Variants in DLGAP1 observed in about 807,000 individuals in gnomAD.
DLGAP1 encodes the protein DLG associated protein 1, also known as disks large-associated protein 1.
DLGAP1 carries 11 observed loss-of-function variants against 90.8 expected under a neutral mutation model. That is an observed-to-expected ratio of 0.12 (90% confidence interval 0.08 to 0.20). The LOEUF (loss-of-function observed/expected upper bound fraction) is 0.20, where lower values mean the gene tolerates loss of function less well. Among genes scored for constraint, DLGAP1 ranks in the 10% least tolerant of loss-of-function variants. The pLI is 1.00. For synonymous variants in DLGAP1, 558 were observed against 540.7 expected (o/e 1.03, Z -0.44); for missense variants, 1,050 against 1,333.8 (o/e 0.79, Z 3.31).
intron 1 of DLGAP1, among the ~76,000 whole-genome samples, chr18:4,399,186 T>C (rs1020150571): frequency 6.6e-6 from 1 of 152,236 alleles, no homozygotes; most frequent in East Asian, 1.9e-4. Context: ...ATCTTTTTCA[T>C]AACTCACTTC....
chr18:3,692,973 C>T (rs1339166378), intron 7 of DLGAP1, among the ~76,000 whole-genome samples: 6 of 152,232 alleles, frequency 3.9e-5, no homozygotes, highest in Non-Finnish European at 8.8e-5. Flanking sequence ...ATGAAGCAGG[C>T]ACCCTGGATC....
At chr18:3,818,689 C>A (rs889864160) in intron 4 of DLGAP1, among the ~76,000 whole-genome samples, 4 of 151,576 alleles carry the variant, frequency 2.6e-5, no homozygotes, top group Admixed American at 6.6e-5. Flanking sequence ...GCAACCCCTG[C>A]CTCCTGGGTT....
At position 3,535,830 on chromosome 18, in the gene DLGAP1, G is replaced by A. The variant is rs184343581; in HGVS notation, c.2058-1215C>T. Among the ~76,000 whole-genome samples the A allele has an allele frequency of 4.1e-3, 631 of 152,104 alleles. 11 individuals are homozygous for A. The highest frequency in any genetic ancestry group is 0.031 in the Admixed American group (470 of 15,272). ...GCAGATCATCTGAGGTCGGGAGTTC[G>A]AGACCAGCCTGACCAACATGGAATA... is the stretch of plus-strand genomic sequence containing the variant. On this transcript the variant is annotated intron_variant, in intron 9 of 12. Coordinates refer to ENST00000315677, the MANE Select transcript of DLGAP1 (RefSeq NM_004746.4).
chr18:3,731,193 A>G (rs1190129476), intron 6 of DLGAP1, among the ~76,000 whole-genome samples: 1 of 152,070 alleles, frequency 6.6e-6, no homozygotes, highest in African/African-American at 2.4e-5. Flanking sequence ...TATATATAAT[A>G]TATGTATATG....
intron 1 of DLGAP1, among the ~76,000 whole-genome samples, chr18:4,316,398 C>T (rs1471206774): frequency 1.3e-5 from 2 of 152,200 alleles, no homozygotes; most frequent in African/African-American, 4.8e-5. Context: ...AGTGCTGTCA[C>T]ATGTTTGATG....
chr18:3,718,876 A>G (rs1360472962), intron 7 of DLGAP1, among the ~76,000 whole-genome samples: 1 of 145,742 alleles, frequency 6.9e-6, no homozygotes, highest in Non-Finnish European at 1.5e-5. Context: ...CAGTGAGCCG[A>G]GATTGCGCCA....
At position 4,261,637 on chromosome 18, in the gene DLGAP1, A is replaced by G. The variant is rs558010899; in HGVS notation, c.-266-110350T>C. Among the ~76,000 whole-genome samples, 3 of 152,206 alleles carry G rather than the reference A, an allele frequency of 2.0e-5. No individual in the cohort carries two copies. In the East Asian group the frequency reaches 5.8e-4, roughly 29 times the overall value. Reference sequence around the variant, plus strand: ...GAATCCTGTAGCATCTTATACATATATATTTTTAGCATATAGTGAATTAAA... The same window carrying G: ...GAATCCTGTAGCATCTTATACATATGTATTTTTAGCATATAGTGAATTAAA... On this transcript the variant is annotated intron_variant, in intron 1 of 12. Coordinates refer to ENST00000315677, the MANE Select transcript of DLGAP1 (RefSeq NM_004746.4).
intron 11 of DLGAP1, among the ~76,000 whole-genome samples, chr18:3,507,740 T>TTTG (rs1161662821): frequency 7.1e-6 from 1 of 140,504 alleles, no homozygotes; most frequent in Non-Finnish European, 1.6e-5. Context: ...TTGAAGGTTT[T>TTTG]TTTTTTTTTT....
chr18:4,265,627 T>TCCC (rs1568480198), intron 1 of DLGAP1, among the ~76,000 whole-genome samples: 1 of 36,170 alleles, frequency 2.8e-5, no homozygotes, highest in African/African-American at 2.2e-4. Flanking sequence ...CTCCCTCCCC[T>TCCC]TCCCTCCCTC....
At chr18:4,258,609 AT>A (rs2078944534) in intron 1 of DLGAP1, among the ~76,000 whole-genome samples, 2 of 152,290 alleles carry the variant, frequency 1.3e-5, no homozygotes, top group South Asian at 4.1e-4. Flanking sequence ...AAGTGAAAAA[AT>A]ATATAATATT....
intron 7 of DLGAP1, among the ~76,000 whole-genome samples, chr18:3,640,374 T>C (rs544637186): frequency 2.6e-5 from 4 of 152,284 alleles, no homozygotes; most frequent in Admixed American, 6.5e-5. Context: ...CATGCAATAA[T>C]AGTATACCAT....
intron 2 of DLGAP1, among the ~76,000 whole-genome samples, chr18:4,147,539 A>G (rs930331468): frequency 2.0e-5 from 3 of 152,142 alleles, no homozygotes; most frequent in Non-Finnish European, 4.4e-5. Flanking sequence ...TGTTGAAACC[A>G]GTTCTTGGTT....
intron 4 of DLGAP1, among the ~76,000 whole-genome samples, chr18:3,825,523 C>T (rs1025905056): frequency 3.3e-5 from 5 of 152,192 alleles, no homozygotes; most frequent in Non-Finnish European, 7.3e-5. Context: ...GTGGATTCAA[C>T]ATAGTACTCA....
chr18:3,542,719 C>T (rs982410967), intron 9 of DLGAP1, among the ~76,000 whole-genome samples: 1 of 152,200 alleles, frequency 6.6e-6, no homozygotes, highest in Non-Finnish European at 1.5e-5. Flanking sequence ...AAAGTTTCTG[C>T]CTCCCCTTAA....
At position 3,600,715 on chromosome 18, in the gene DLGAP1, GATATAGAGATATAGATAT is replaced by G. The variant is rs1568277178; in HGVS notation, c.1592-18485_1592-18468del. Among the ~76,000 whole-genome samples, 82 of 64,432 alleles carry G rather than the reference GATATAGAGATATAGATAT, an allele frequency of 1.3e-3. 21 individuals carry two copies. Among genetic ancestry groups the G allele is most frequent in the African/African-American group, 6.4e-3 (76 of 11,820 alleles). The allele number at this position is 64,432 out of a possible 152,430, so 42.3% of individuals were successfully genotyped here. A position where few individuals can be genotyped will look rare whatever the true frequency, so the allele number is the denominator to read the frequency against. On this transcript the variant is annotated intron_variant, in intron 7 of 12. Transcript: ENST00000315677. ...CTATATAGATATCTATAGCTATATA[GATATAGAGATATAGATAT>G]ATATAGATATATAGATATATATAGA...
At chr18:3,688,641 AC>A (rs1735409179) in intron 7 of DLGAP1, among the ~76,000 whole-genome samples, 5 of 150,180 alleles carry the variant, frequency 3.3e-5, no homozygotes, top group Admixed American at 6.6e-5. Flanking sequence ...ACACACACAC[AC>A]ACACACACAC....
At chr18:3,674,636 TA>T (rs1194072191) in intron 7 of DLGAP1, among the ~76,000 whole-genome samples, 1 of 151,588 alleles carries the variant, frequency 6.6e-6, no homozygotes, top group East Asian at 1.9e-4. Flanking sequence ...ATAATAATAA[TA>T]AAAACCTGCC....
Position 3,581,794 on chromosome 18 carries a change from C to A in DLGAP1, c.1965+81G>T, listed in dbSNP as rs115707636. ...TCTATGATTCCAAGCGGCAAGAAAG[C>A]AAATCTTCCGGGGAAACAAAAAGTG... On this transcript the variant is annotated intron_variant, in intron 8 of 12. Coordinates refer to ENST00000315677, the MANE Select transcript of DLGAP1 (RefSeq NM_004746.4). 1.1e-3 allele frequency: 1,749 copies of A among 1,551,650 alleles called. 17 individuals are homozygous for A. In the African/African-American group the frequency reaches 0.022, roughly 19 times the overall value.
chr18:3,600,989 T>TAGATATATAG (rs1568280000), intron 7 of DLGAP1, among the ~76,000 whole-genome samples: 3 of 50,692 alleles, frequency 5.9e-5, no homozygotes, highest in Admixed American at 1.9e-4. Context: ...TAGATATAGA[T>TAGATATATAG]ATATAGATAT....
Sources: gnomAD v4.1 joint callset for allele counts (sites outside exome capture counted in the v4.1 genomes callset) on GRCh38, gnomAD v4.1.1 for gene constraint, MANE v1.5 for transcripts, NCBI Gene and HGNC (gene_info 2026-07-23, HGNC 2026-07-21) for gene names.